GLS: variants seen among roughly 807,000 people sequenced by gnomAD.
GLS encodes the protein glutaminase.
In GLS, 36 loss-of-function variants were observed where a neutral mutation model predicts 86.7. The ratio of observed to expected loss-of-function variants is 0.42; its 90% confidence interval spans 0.32 to 0.55. GLS has a LOEUF of 0.55. GLS is among the 20% of genes least tolerant of loss of function. The pLI, the probability that GLS is intolerant of heterozygous loss-of-function variation, is 0.17. For synonymous variants in GLS, 317 were observed against 305.9 expected, an observed-to-expected ratio of 1.04 and a Z score of -0.38; for missense variants, 528 against 833.4, an observed-to-expected ratio of 0.63 and a Z score of 4.51.
chr2:190,895,476 A>G lies in GLS; in HGVS notation c.484-128A>G, dbSNP rs1688701505. On this transcript the variant is annotated intron_variant, in intron 2 of 17. Transcript: ENST00000320717. The surrounding 1 kb of genome is among the most constrained non-coding windows in gnomAD (Gnocchi z 4.2). ...CCAGAAAGTGGGTAATAGTGACACT[A>G]AGATGCCATATTCATGTTCAAGTGT... The G allele has an allele frequency of 1.6e-6, 1 of 640,128 alleles. No homozygotes were observed. Among genetic ancestry groups the G allele is most frequent in the African/African-American group, 1.8e-5 (1 of 54,198 alleles). 39.7% of individuals were successfully genotyped at this position (640,128 alleles called of 1,614,324 possible). A position where few individuals can be genotyped will look rare whatever the true frequency, so the allele number is the denominator to read the frequency against.
At chr2:190,891,964 G>A (rs1688577894) in intron 1 of GLS, among the ~76,000 whole-genome samples, 2 of 151,872 alleles carry the variant, frequency 1.3e-5, no homozygotes, top group Admixed American at 1.3e-4. Context: ...CATCTTTCAG[G>A]TTTAGCTCAG....
At chr2:190,911,254 T>C (rs959772381) in intron 7 of GLS, among the ~76,000 whole-genome samples, 1 of 152,062 alleles carries the variant, frequency 6.6e-6, no homozygotes, top group Admixed American at 6.5e-5. Context: ...GTATAAATGA[T>C]ACCCTTGGCC....
intron 12 of GLS, among the ~76,000 whole-genome samples, chr2:190,928,187 C>G (rs1327141586): frequency 6.6e-6 from 1 of 151,714 alleles, no homozygotes; most frequent in Non-Finnish European, 1.5e-5. Flanking sequence ...GGATCCTTAA[C>G]AAAACATAAC....
intron 14 of GLS, chr2:190,934,652 A>G (rs575703926): frequency 3.8e-4 from 377 of 983,162 alleles, no homozygotes; most frequent in South Asian, 2.8e-3. Flanking sequence ...TTCATTCCGA[A>G]GTTGGTTTTA....
intron 3 of GLS, among the ~76,000 whole-genome samples, chr2:190,898,466 G>A (rs376760472): frequency 6.6e-6 from 1 of 152,094 alleles, no homozygotes; most frequent in Non-Finnish European, 1.5e-5. Flanking sequence ...AAACCTTACT[G>A]TTTGGAATGG....
chr2:190,944,229 G>A (rs1435166101), intron 14 of GLS, among the ~76,000 whole-genome samples: 1 of 150,416 alleles, frequency 6.6e-6, no homozygotes, highest in African/African-American at 2.4e-5. Flanking sequence ...TGTATTTGGT[G>A]ATGAATGTCT....
At chr2:190,898,952 T>A (rs545621008) in intron 3 of GLS, among the ~76,000 whole-genome samples, 1 of 152,378 alleles carries the variant, frequency 6.6e-6, no homozygotes, top group South Asian at 2.1e-4. Flanking sequence ...TTAAAGGTAC[T>A]GATTAAAATA....
At position 190,954,643 on chromosome 2, in the gene GLS, A is replaced by G; in HGVS notation, c.1772A>G (p.His591Arg). The G allele has an allele frequency of 6.2e-7, 1 of 1,612,168 alleles. No individual in the cohort carries two copies. The highest frequency in any genetic ancestry group is 8.5e-7 in the Non-Finnish European group (1 of 1,178,224). ...GACTATGATTCTAGAACAGCACTCC[A>G]TGTAGCTGCTGCAGAGGGTAATACA... ...QRDYDSRTALHVAAAEGHVEV... is the reference protein window; with the variant it reads ...QRDYDSRTALRVAAAEGHVEV... Residue 591 changes from histidine (H) to arginine (R), a missense_variant, in exon 16 of 18, where the codon CAT (histidine) becomes CGT (arginine). Coordinates refer to ENST00000320717, the MANE Select transcript of GLS (RefSeq NM_014905.5). The surrounding 1 kb of genome is among the most constrained non-coding windows in gnomAD (Gnocchi z 4.0).
chr2:190,948,423 A>G (rs1474692566), intron 14 of GLS, among the ~76,000 whole-genome samples: 3 of 152,202 alleles, frequency 2.0e-5, no homozygotes, highest in African/African-American at 4.8e-5. Context: ...CTTATTAATA[A>G]GAAATGGACT....
Position 190,962,736 on chromosome 2 carries a change from C to A in GLS, c.1854-94C>A. 1 of 733,714 alleles carries A rather than the reference C, an allele frequency of 1.4e-6. No individual in the cohort carries two copies. Among genetic ancestry groups the A allele is most frequent in the South Asian group, 5.1e-5 (1 of 19,570 alleles). 45.5% of individuals were successfully genotyped at this position (733,714 alleles called of 1,614,324 possible). A position where few individuals can be genotyped will look rare whatever the true frequency, so the allele number is the denominator to read the frequency against. ...AATTGCTAAAATAGCTAAATTTGGC[C>A]ATTTAACCTGCATTTAAAATCTAGG... On this transcript the variant is annotated intron_variant, in intron 17 of 17. Coordinates refer to ENST00000320717, the MANE Select transcript of GLS (RefSeq NM_014905.5). The surrounding 1 kb of genome is among the most constrained non-coding windows in gnomAD (Gnocchi z 4.2).
Position 190,921,405 on chromosome 2 carries a change from G to A in GLS, c.1130+202G>A, listed in dbSNP as rs1689732173. 6.6e-6 allele frequency among the ~76,000 whole-genome samples: 1 copy of A among 151,778 alleles called. No homozygotes were observed. The highest frequency in any genetic ancestry group is 1.5e-5 in the Non-Finnish European group (1 of 67,806). On this transcript the variant is annotated intron_variant, in intron 9 of 17. Transcript: ENST00000320717. This position sits in a 1 kb window ranked among gnomAD's most constrained non-coding sequence, Gnocchi z 4.2. ...ACCCCAAGTTTATCTCAAATTACTG[G>A]TGCTTATTCAGTTTTATCTTTGCTT...
chr2:190,887,314 A>G (rs1258699536), intron 1 of GLS, among the ~76,000 whole-genome samples: 1 of 152,144 alleles, frequency 6.6e-6, no homozygotes, highest in African/African-American at 2.4e-5. Context: ...TCATCACTGC[A>G]CTTAGTGATT....
chr2:190,883,421 A>C (rs1688274104), intron 1 of GLS, among the ~76,000 whole-genome samples: 1 of 152,170 alleles, frequency 6.6e-6, no homozygotes, highest in East Asian at 1.9e-4. Flanking sequence ...TCAGCAGTCC[A>C]CCTGGTATGC....
rs1214833071 is a variant in GLS, at chr2:190,947,541, A to G, written c.1651-6024A>G. On this transcript the variant is annotated intron_variant, in intron 14 of 17. Coordinates refer to ENST00000320717, the MANE Select transcript of GLS (RefSeq NM_014905.5). This position sits in a 1 kb window ranked among gnomAD's most constrained non-coding sequence, Gnocchi z 5.0. ...TGCCCAGGTGCAGTGTCTCTTTGCC[A>G]TGGGGAGGTATACATTAAACATCAG... Among the ~76,000 whole-genome samples the G allele has an allele frequency of 6.6e-6, 1 of 152,188 alleles. No individual in the cohort carries two copies. Among genetic ancestry groups the G allele is most frequent in the African/African-American group, 2.4e-5 (1 of 41,456 alleles).
In GLS at chr2:190,943,354, AT is replaced by A. The variant is rs748292611; in HGVS notation, c.1651-10210del. Among the ~76,000 whole-genome samples, 3 of 152,132 alleles carry A rather than the reference AT, an allele frequency of 2.0e-5. No individual in the cohort carries two copies. Among genetic ancestry groups the A allele is most frequent in the Non-Finnish European group, 4.4e-5 (3 of 68,016 alleles). ...GTGGTGTGTGAGATTGCTTAAGGTG[AT>A]AGTATAAAGTGATAAGGAAAGTGTA... On this transcript the variant is annotated intron_variant, in intron 14 of 17. Transcript: ENST00000320717. The surrounding 1 kb of genome is among the most constrained non-coding windows in gnomAD (Gnocchi z 4.5).
rs1690503753 is a variant in GLS, at chr2:190,943,549, GAT to G, written c.1651-10014_1651-10013del. ...GAGCATTGAACTGTATGAAAGCATAGATAATTTAGTAAGATGAGGGTTTTATA... is the reference window on the plus strand; with the variant it reads ...GAGCATTGAACTGTATGAAAGCATAGAATTTAGTAAGATGAGGGTTTTATA... On this transcript the variant is annotated intron_variant, in intron 14 of 17. Transcript: ENST00000320717. The surrounding 1 kb of genome is among the most constrained non-coding windows in gnomAD (Gnocchi z 4.5). Among the ~76,000 whole-genome samples, 1 of 152,142 alleles carries G rather than the reference GAT, an allele frequency of 6.6e-6. No homozygotes were observed. Among genetic ancestry groups the G allele is most frequent in the Non-Finnish European group, 1.5e-5 (1 of 68,018 alleles).
intron 6 of GLS, among the ~76,000 whole-genome samples, chr2:190,909,935 G>A (rs1210453672): frequency 6.6e-6 from 1 of 152,114 alleles, no homozygotes; most frequent in Non-Finnish European, 1.5e-5. Context: ...CTTCTTTGGA[G>A]TCTGAGGCTG....
chr2:190,952,632 G>T (rs1052662930), intron 14 of GLS, among the ~76,000 whole-genome samples: 1 of 152,172 alleles, frequency 6.6e-6, no homozygotes, highest in South Asian at 2.1e-4. Flanking sequence ...GGCTTTGTTG[G>T]TGGAGAGCTG....
intron 14 of GLS, chr2:190,934,904 A>C: frequency 1.0e-6 from 1 of 978,570 alleles, no homozygotes; most frequent in Non-Finnish European, 1.2e-6. Context: ...CTCAAACTTA[A>C]AAAAGAAAAA....
Sources: allele counts gnomAD v4.1 joint callset (sites outside exome capture counted in the v4.1 genomes callset), GRCh38; gene constraint gnomAD v4.1.1; non-coding constraint Gnocchi (gnomAD v3.1); transcripts MANE v1.5; gene names NCBI Gene and HGNC (gene_info 2026-07-23, HGNC 2026-07-21).